Variants in NCAM1 observed in about 807,000 individuals in gnomAD.
The protein encoded by NCAM1 is neural cell adhesion molecule 1.
Under a neutral mutation model 109.8 loss-of-function variants are expected in NCAM1, and 14 were observed. The ratio of observed to expected loss-of-function variants is 0.13; its 90% CI spans 0.08 to 0.20. The LOEUF (loss-of-function observed/expected upper bound fraction) is 0.20. Ranked by LOEUF, NCAM1 falls within the 10% of genes least tolerant of loss-of-function variation. The probability of loss-of-function intolerance (pLI) is 1.00; values close to 1 mark genes in which losing one functional copy is unlikely to be tolerated. For missense variants in NCAM1, 774 were observed against 1,109.9 expected (o/e 0.70, Z 4.30); for synonymous variants, 418 against 442.9 (o/e 0.94, Z 0.70).
chr11:113,156,848 G>C (rs1221471538), intron 1 of NCAM1, among the ~76,000 whole-genome samples: 1 of 152,116 alleles, frequency 6.6e-6, no homozygotes, highest in Non-Finnish European at 1.5e-5. Context: ...TGGCAGGCTG[G>C]TGGTCTTCAA....
chr11:113,250,264 A>T (rs542339815), intron 15 of NCAM1, among the ~76,000 whole-genome samples: 1 of 152,332 alleles, frequency 6.6e-6, no homozygotes, highest in Admixed American at 6.5e-5. Flanking sequence ...TTACCAAAAG[A>T]GGCGCCAGGG....
chr11:113,023,516 T>C (rs1952454007), intron 1 of NCAM1, among the ~76,000 whole-genome samples: 2 of 152,168 alleles, frequency 1.3e-5, no homozygotes, highest in African/African-American at 4.8e-5. Flanking sequence ...ATAAAAAACA[T>C]TCTGAAAGAA....
Position 113,138,054 on chromosome 11 carries a change from G to A in NCAM1, c.53-64325G>A, listed in dbSNP as rs11820091. Among the ~76,000 whole-genome samples, 1,331 of 152,306 alleles carry A rather than the reference G, an allele frequency of 8.7e-3. 19 individuals carry two copies. The highest frequency in any genetic ancestry group is 0.03 in the African/African-American group (1,255 of 41,554). ...AAAATTCTCATCTAAGAAAACAGCAGTGCGGGCCGTGAGTCCCAGGTGTAT... is the reference window on the plus strand; with the variant it reads ...AAAATTCTCATCTAAGAAAACAGCAATGCGGGCCGTGAGTCCCAGGTGTAT... On this transcript the variant is annotated intron_variant, in intron 1 of 19. Transcript: ENST00000316851.
intron 1 of NCAM1, among the ~76,000 whole-genome samples, chr11:112,997,189 G>T (rs1172723344): frequency 1.3e-5 from 2 of 152,110 alleles, no homozygotes; most frequent in African/African-American, 4.8e-5. Context: ...CTGCATGAGG[G>T]AGTGGGTGTT....
intron 1 of NCAM1, 57 bp downstream of exon 1, chr11:112,961,721 A>C (rs1950568991): frequency 1.3e-5 from 14 of 1,081,934 alleles, no homozygotes; most frequent in Non-Finnish European, 1.9e-5. Flanking sequence ...CCTTCCTCCT[A>C]CTCCTAGGAG....
At chr11:113,235,424 G>A (rs917102084) in intron 14 of NCAM1, 6 of 746,364 alleles carry the variant, frequency 8.0e-6, no homozygotes, top group Admixed American at 3.5e-5. Flanking sequence ...CAGTGAAGGG[G>A]AAGGCACCAA....
chr11:113,262,164 G>A (rs1555123502), intron 17 of NCAM1, among the ~76,000 whole-genome samples: 1 of 152,182 alleles, frequency 6.6e-6, no homozygotes, highest in East Asian at 1.9e-4. Flanking sequence ...GAATTCTGTG[G>A]TCAGCAAGCA....
At chr11:113,217,851 A>G (rs1032097441) in intron 8 of NCAM1, among the ~76,000 whole-genome samples, 32 of 152,234 alleles carry the variant, frequency 2.1e-4, no homozygotes, top group Non-Finnish European at 1.3e-4. Flanking sequence ...CTGGGACTGT[A>G]CTATGCATTG....
intron 1 of NCAM1, among the ~76,000 whole-genome samples, chr11:113,029,277 A>C (rs896785998): frequency 6.6e-6 from 1 of 152,198 alleles, no homozygotes; most frequent in African/African-American, 2.4e-5. Context: ...AATTCAGGAA[A>C]AATCTATCTA....
At position 113,061,138 on chromosome 11, in the gene NCAM1, G is replaced by A. The variant is rs574448832; in HGVS notation, c.52+99474G>A. Among the ~76,000 whole-genome samples, 17 of 152,190 alleles carry A rather than the reference G, an allele frequency of 1.1e-4. No individual in the cohort carries two copies. The South Asian group carries it at 2.5e-3, about 22-fold the overall frequency. ...TATGAGTTTGCCTATTTTATTAACA[G>A]GTTCCACATTTAAATGAGATCATAT... On this transcript the variant is annotated intron_variant, in intron 1 of 19. Transcript: ENST00000316851.
intron 6 of NCAM1, 43 bp from the exon 7 acceptor site, chr11:113,207,790 C>A: frequency 6.4e-7 from 1 of 1,555,936 alleles, no homozygotes; most frequent in South Asian, 1.2e-5. Context: ...CGTCTTATTT[C>A]TGTGGTCGAA....
At chr11:113,201,681 T>C (rs1424711558) in intron 1 of NCAM1, among the ~76,000 whole-genome samples, 4 of 152,154 alleles carry the variant, frequency 2.6e-5, no homozygotes, top group Admixed American at 2.6e-4. Context: ...TCAGGGAAAG[T>C]AGCCAAGGGA....
intron 1 of NCAM1, among the ~76,000 whole-genome samples, chr11:113,031,559 G>A (rs189403466): frequency 6.6e-6 from 1 of 152,066 alleles, no homozygotes; most frequent in Non-Finnish European, 1.5e-5. Context: ...GGGCGTGGTG[G>A]CAGGCTCCTG....
intron 1 of NCAM1, among the ~76,000 whole-genome samples, chr11:112,981,379 T>G (rs1951151667): frequency 6.6e-6 from 1 of 151,968 alleles, no homozygotes; most frequent in South Asian, 2.1e-4. Flanking sequence ...TCTTGTCATG[T>G]GAAACGTCCT....
At chr11:113,118,508 G>T (rs1729356062) in intron 1 of NCAM1, among the ~76,000 whole-genome samples, 1 of 151,968 alleles carries the variant, frequency 6.6e-6, no homozygotes, top group South Asian at 2.1e-4. Flanking sequence ...ATGAAAAGGG[G>T]AGCCTGGACC....
In NCAM1 at chr11:113,208,016, G is replaced by C; in HGVS notation, c.916+14G>C. 1.3e-6 allele frequency: 2 copies of C among 1,599,096 alleles called. No individual in the cohort carries two copies. Among genetic ancestry groups the C allele is most frequent in the Non-Finnish European group, 1.7e-6 (2 of 1,172,470 alleles). ...TCAAAGTCTTTGGTAGGGGCAGTGG[G>C]GGCCCAGGTCACTGCTCTGCCACAA... On this transcript the variant is annotated intron_variant, in intron 7 of 19. Transcript: ENST00000316851.
chr11:113,121,537 C>CAAAAAAAAA lies in NCAM1; in HGVS notation c.53-80829_53-80821dup, dbSNP rs3051887. Among the ~76,000 whole-genome samples, 8 of 92,424 alleles carry CAAAAAAAAA rather than the reference C, an allele frequency of 8.7e-5. 1 individual carries two copies. Among genetic ancestry groups the CAAAAAAAAA allele is most frequent in the Non-Finnish European group, 7.9e-5 (4 of 50,738 alleles). The allele number at this position is 92,424 out of a possible 152,430, so 60.6% of individuals were successfully genotyped here. On this transcript the variant is annotated intron_variant, in intron 1 of 19. Transcript: ENST00000316851. ...TGCCTGGCCAACACCACCAATCTTACAAAAAAAAAAAAAAAAAAAAAGGCA... is the reference window on the plus strand; with the variant it reads ...TGCCTGGCCAACACCACCAATCTTACAAAAAAAAAAAAAAAAAAAAAAAAAAAAAAGGCA...
chr11:113,223,284 C>G (rs537859128), intron 9 of NCAM1, among the ~76,000 whole-genome samples: 6 of 152,254 alleles, frequency 3.9e-5, no homozygotes, highest in African/African-American at 1.2e-4. Context: ...TGGAGTCTAT[C>G]TGTGTATCCT....
At chr11:113,000,731 T>TC (rs1951725132) in intron 1 of NCAM1, among the ~76,000 whole-genome samples, 1 of 151,382 alleles carries the variant, frequency 6.6e-6, no homozygotes, top group East Asian at 1.9e-4. Flanking sequence ...AGGATTGCTG[T>TC]AGGAAGGTTG....
Sources: allele counts gnomAD v4.1 joint callset (sites outside exome capture counted in the v4.1 genomes callset), GRCh38; gene constraint gnomAD v4.1.1; transcripts MANE v1.5; gene names NCBI Gene and HGNC (gene_info 2026-07-23, HGNC 2026-07-21).